SIAE: variants seen among roughly 807,000 people sequenced by gnomAD.
SIAE encodes sialate O-acetylesterase.
A neutral mutation model predicts 52.6 loss-of-function variants in SIAE; 39 were observed. That is an observed-to-expected ratio of 0.74 (90% CI 0.57 to 0.97). The LOEUF is 0.97. Among genes scored for constraint, SIAE ranks in the 50% least tolerant of loss-of-function variants. The pLI, the probability that SIAE is intolerant of heterozygous loss-of-function variation, is 0.00. For synonymous variants in SIAE, 233 were observed against 241.4 expected, an observed-to-expected ratio of 0.97 and a Z score of 0.32; for missense variants, 592 against 662.1, an observed-to-expected ratio of 0.89 and a Z score of 1.16.
intron 4 of SIAE, among the ~76,000 whole-genome samples, chr11:124,653,307 TTTG>T (rs1257166690): frequency 2.0e-5 from 3 of 151,896 alleles, no homozygotes; most frequent in African/African-American, 7.3e-5. Context: ...CACTCAAATA[TTTG>T]TTAAGTGAAT....
intron 6 of SIAE, 102 bp from the exon 7 acceptor site, chr11:124,647,600 C>A: frequency 7.1e-7 from 1 of 1,405,088 alleles, no homozygotes. Context: ...GTGGTCTTCC[C>A]ACGGTCTCTC....
chr11:124,642,182 C>T (rs1280312134), intron 7 of SIAE, among the ~76,000 whole-genome samples: 6 of 152,106 alleles, frequency 3.9e-5, no homozygotes, highest in African/African-American at 4.8e-5. Flanking sequence ...TCGGAAGCCA[C>T]GGCATCTGAA....
chr11:124,659,959 A>G (rs114510188), intron 3 of SIAE: 57 of 155,646 alleles, frequency 3.7e-4, no homozygotes, highest in African/African-American at 1.3e-3. Context: ...ACAGGTTTAC[A>G]TCTCAAATTT....
intron 9 of SIAE, 99 bp downstream of exon 9, chr11:124,638,443 C>A: frequency 7.5e-7 from 1 of 1,335,856 alleles, no homozygotes; most frequent in Non-Finnish European, 1.1e-6. Flanking sequence ...CCAACCAAGA[C>A]CCGCCACATC....
chr11:124,667,419 G>A (rs553710551), intron 2 of SIAE, among the ~76,000 whole-genome samples: 19 of 152,266 alleles, frequency 1.2e-4, no homozygotes, highest in African/African-American at 4.6e-4. Flanking sequence ...CCAAGAATTA[G>A]AAGCACTTAC....
chr11:124,671,967 G>T (rs1052967106), intron 1 of SIAE, among the ~76,000 whole-genome samples: 1 of 151,086 alleles, frequency 6.6e-6, no homozygotes, highest in Admixed American at 6.6e-5. Flanking sequence ...TAGTAGAGAC[G>T]GGGTTTCACT....
chr11:124,637,510 T>G (rs984871015), intron 9 of SIAE, among the ~76,000 whole-genome samples: 11 of 152,182 alleles, frequency 7.2e-5, no homozygotes, highest in Admixed American at 6.5e-4. Flanking sequence ...CTTTGGGTGA[T>G]CCCTCTTGCC....
chr11:124,663,460 G>C (rs1943221305), intron 2 of SIAE, among the ~76,000 whole-genome samples: 1 of 152,106 alleles, frequency 6.6e-6, no homozygotes, highest in African/African-American at 2.4e-5. Context: ...CGTAGTCCCA[G>C]CTACTCGGGA....
chr11:124,665,104 C>T (rs1484116905), intron 2 of SIAE, among the ~76,000 whole-genome samples: 2 of 152,218 alleles, frequency 1.3e-5, no homozygotes, highest in Admixed American at 1.3e-4. Flanking sequence ...ATGCAAGTTA[C>T]TTACACTATA....
chr11:124,642,173 C>T (rs972413958), intron 7 of SIAE, among the ~76,000 whole-genome samples: 1 of 152,112 alleles, frequency 6.6e-6, no homozygotes, highest in African/African-American at 2.4e-5. Flanking sequence ...ATCCATCATT[C>T]GGAAGCCACG....
chr11:124,648,328 CA>C (rs1942970651), intron 5 of SIAE, among the ~76,000 whole-genome samples, 153 bp from the exon 6 acceptor site: 1 of 152,168 alleles, frequency 6.6e-6, no homozygotes, highest in African/African-American at 2.4e-5. Context: ...TTCTTGAAAA[CA>C]TATGAATATT....
chr11:124,653,457 AGAG>A (rs1943046937), intron 4 of SIAE, among the ~76,000 whole-genome samples: 1 of 152,182 alleles, frequency 6.6e-6, no homozygotes, highest in Non-Finnish European at 1.5e-5. Flanking sequence ...CAGAGAAGAC[AGAG>A]GAGGAGAAGT....
chr11:124,654,423 T>G, intron 4 of SIAE: 1 of 985,366 alleles, frequency 1.0e-6, no homozygotes, highest in Non-Finnish European at 1.2e-6. Flanking sequence ...ATATTTTCAC[T>G]GAAGATGTTG....
intron 1 of SIAE, 191 bp from the exon 2 acceptor site, chr11:124,669,712 A>T: frequency 1.6e-6 from 1 of 623,704 alleles, no homozygotes; most frequent in Non-Finnish European, 2.9e-6. Flanking sequence ...AGTTTCCAAC[A>T]GTATGCATCA....
chr11:124,661,641 C>T (rs1943188529), intron 2 of SIAE, among the ~76,000 whole-genome samples: 1 of 151,548 alleles, frequency 6.6e-6, no homozygotes, highest in South Asian at 2.1e-4. Flanking sequence ...TTCAAAATGG[C>T]AAAAATTATG....
At chr11:124,649,554 G>C in intron 5 of SIAE, 65 bp downstream of exon 5, 1 of 1,558,772 alleles carries the variant, frequency 6.4e-7, no homozygotes, top group Non-Finnish European at 8.8e-7. Context: ...CACAGAGGAC[G>C]ATGACCCTCT....
chr11:124,638,599 G>C lies in SIAE; in HGVS notation c.1263C>G (p.Leu421=). Residue 421 remains leucine, a synonymous_variant, in exon 9 of 10, where the codon CTC becomes CTG. Transcript: ENST00000263593. Reference sequence around the variant, plus strand: ...GGATTTGCTGGTAATATGTGAGATTGAGCAGCCCCTTGTGAGCCAAGAGTT... The same window carrying C: ...GGATTTGCTGGTAATATGTGAGATTCAGCAGCCCCTTGTGAGCCAAGAGTT... The part of the protein sequence containing the change: ...KIELLAHKGL[L]NLTYYQQIQV... The C allele has an allele frequency of 6.2e-7, 1 of 1,614,144 alleles. No homozygotes were observed. The highest frequency in any genetic ancestry group is 8.5e-7 in the Non-Finnish European group (1 of 1,180,026).
At chr11:124,669,275 G>T in intron 2 of SIAE, 85 bp downstream of exon 2, 1 of 1,508,300 alleles carries the variant, frequency 6.6e-7, no homozygotes, top group East Asian at 2.3e-5. Flanking sequence ...TGGATAATGT[G>T]AGCTACAGCA....
At chr11:124,672,267 A>G (rs914403500) in intron 1 of SIAE, among the ~76,000 whole-genome samples, 5 of 152,112 alleles carry the variant, frequency 3.3e-5, no homozygotes, top group African/African-American at 1.2e-4. Context: ...AACAGGAATT[A>G]GTGTTATGGG....
Sources: allele counts gnomAD v4.1 joint callset (sites outside exome capture counted in the v4.1 genomes callset), GRCh38; gene constraint gnomAD v4.1.1; transcripts MANE v1.5; gene names NCBI Gene and HGNC (gene_info 2026-07-23, HGNC 2026-07-21).